The following MAP3K3 variants were observed in gnomAD, a reference collection of about 807,000 sequenced individuals.
MAP3K3 encodes mitogen-activated protein kinase kinase kinase 3.
In MAP3K3, 12 loss-of-function variants were observed where a neutral mutation model predicts 80.9. That is an observed-to-expected ratio of 0.15 (90% CI 0.10 to 0.24). The LOEUF is 0.24. MAP3K3 is among the 10% of genes least tolerant of loss of function. MAP3K3 has a pLI of 1.00. For missense variants in MAP3K3, 596 were observed against 834.7 expected, an observed-to-expected ratio of 0.71 and a Z score of 3.52; for synonymous variants, 272 against 307.1, an observed-to-expected ratio of 0.89 and a Z score of 1.19.
chr17:63,622,702 GC>G lies in MAP3K3; in HGVS notation c.-54del. The G allele has an allele frequency of 1.1e-5, 5 of 444,676 alleles. No homozygotes were observed. Among genetic ancestry groups the G allele is most frequent in the Non-Finnish European group, 1.3e-5 (3 of 227,920 alleles). 27.5% of individuals were successfully genotyped at this position (444,676 alleles called of 1,614,324 possible). A position where few individuals can be genotyped will look rare whatever the true frequency, so the allele number is the denominator to read the frequency against. ...CCGCCGCCCGGGCCCCCGGCATGCA[GC>G]CCCGGCTGCGGAGGTGACACTCACG... On this transcript the variant is annotated 5_prime_UTR_variant, in exon 1 of 16. The change abolishes the stop of an existing upstream ORF in the 5' untranslated region. Transcript: ENST00000361733.
At chr17:63,661,944 A>G (rs1481054031) in intron 5 of MAP3K3, among the ~76,000 whole-genome samples, 2 of 152,028 alleles carry the variant, frequency 1.3e-5, no homozygotes, top group South Asian at 2.1e-4. Flanking sequence ...CTACTAAAAA[A>G]TACAAAAAAT....
chr17:63,687,813 C>G (rs1372669457), intron 8 of MAP3K3, among the ~76,000 whole-genome samples: 1 of 152,024 alleles, frequency 6.6e-6, no homozygotes, highest in Non-Finnish European at 1.5e-5. Flanking sequence ...TGGCGCGTGC[C>G]TGTAGTCCCA....
chr17:63,673,359 G>C (rs946889266), intron 6 of MAP3K3, among the ~76,000 whole-genome samples: 1 of 151,706 alleles, frequency 6.6e-6, no homozygotes, highest in South Asian at 2.1e-4. Context: ...TTTTTTTCAG[G>C]CCATTTAGTC....
At position 63,694,935 on chromosome 17, in the gene MAP3K3, T is replaced by C. The variant is rs1036209694; in HGVS notation, c.*1158T>C. 23 of 153,458 alleles carry C rather than the reference T, an allele frequency of 1.5e-4. No homozygotes were observed. The highest frequency in any genetic ancestry group is 4.6e-4 in the African/African-American group (19 of 41,554). 9.5% of individuals were successfully genotyped at this position (153,458 alleles called of 1,614,324 possible). Reference sequence around the variant, plus strand: ...CCTGGAGGGGGAATGGCAGCAGGGGTTGGGGAAACAGCATCTCCAAGCAGC... The same window carrying C: ...CCTGGAGGGGGAATGGCAGCAGGGGCTGGGGAAACAGCATCTCCAAGCAGC... On this transcript the variant is annotated 3_prime_UTR_variant, in exon 16 of 16. Transcript: ENST00000361733.
chr17:63,642,612 C>T (rs998843502), intron 2 of MAP3K3, among the ~76,000 whole-genome samples: 23 of 152,030 alleles, frequency 1.5e-4, no homozygotes, highest in East Asian at 3.9e-4. Flanking sequence ...GAGCCGAGAT[C>T]GCGCCACTGC....
chr17:63,685,474 T>A (rs746041567), intron 7 of MAP3K3, 43 bp from the exon 8 acceptor site: 30 of 1,515,926 alleles, frequency 2.0e-5, no homozygotes, highest in Non-Finnish European at 2.6e-5. Context: ...CTGGGGGGAA[T>A]TGGGGCTGGG....
chr17:63,685,372 A>T (rs927705967), intron 7 of MAP3K3, 145 bp from the exon 8 acceptor site: 2 of 693,080 alleles, frequency 2.9e-6, no homozygotes, highest in Admixed American at 4.2e-5. Context: ...TACCTTTCTA[A>T]CTATTCTTCC....
chr17:63,660,556 TCTC>T (rs1253036931), intron 5 of MAP3K3, among the ~76,000 whole-genome samples: 9 of 150,280 alleles, frequency 6.0e-5, no homozygotes, highest in Non-Finnish European at 3.0e-5. Context: ...ATCTCTTTCT[TCTC>T]TTTGGATTCT....
intron 4 of MAP3K3, 130 bp from the exon 5 acceptor site, chr17:63,657,664 C>CATAG: frequency 2.0e-6 from 1 of 488,156 alleles, no homozygotes; most frequent in South Asian, 2.6e-5. Context: ...CTTAAGACCC[C>CATAG]ATAGTATCCA....
intron 7 of MAP3K3, 147 bp from the exon 8 acceptor site, chr17:63,685,370 T>TA: frequency 1.5e-6 from 1 of 688,998 alleles, no homozygotes. Flanking sequence ...GGTACCTTTC[T>TA]AACTATTCTT....
chr17:63,669,242 G>C (rs1464476611), intron 6 of MAP3K3, among the ~76,000 whole-genome samples: 2 of 152,174 alleles, frequency 1.3e-5, no homozygotes, highest in Admixed American at 6.5e-5. Context: ...TTCCACAGGG[G>C]ACAAGGGGAG....
chr17:63,660,932 T>A (rs2034878524), intron 5 of MAP3K3, among the ~76,000 whole-genome samples: 1 of 151,346 alleles, frequency 6.6e-6, no homozygotes, highest in Admixed American at 6.6e-5. Context: ...AGCTTCTAAT[T>A]TTCCTTCTGT....
At chr17:63,655,972 G>A (rs56057198) in intron 4 of MAP3K3, among the ~76,000 whole-genome samples, 30,297 of 152,076 alleles carry the variant, frequency 0.2, 3,545 homozygotes, top group Middle Eastern at 0.32. Flanking sequence ...GTTCATGCCT[G>A]TAATGCCAGC....
chr17:63,649,318 TC>T (rs1373369381), intron 3 of MAP3K3, among the ~76,000 whole-genome samples: 1 of 151,542 alleles, frequency 6.6e-6, no homozygotes, highest in Non-Finnish European at 1.5e-5. Flanking sequence ...ACACCTGTAG[TC>T]CCAGCTACTC....
rs2034534743 is a variant in MAP3K3, at chr17:63,646,039, C to T, written c.132C>T (p.Asp44=). 5.0e-6 allele frequency: 8 copies of T among 1,613,738 alleles called. No individual in the cohort carries two copies. Among genetic ancestry groups the T allele is most frequent in the Admixed American group, 1.7e-5 (1 of 59,986 alleles). ...TCTATCATTCTTTTTGGCAGAGTGA[C>T]GTCAGAATCAAGTTCGAGCACAACG... ...KDTGHSNRQS[D]VRIKFEHNGE... Residue 44 remains aspartate, a synonymous_variant, in exon 3 of 16, where the codon GAC becomes GAT. Coordinates refer to ENST00000361733, the MANE Select transcript of MAP3K3 (RefSeq NM_002401.5).
intron 3 of MAP3K3, among the ~76,000 whole-genome samples, chr17:63,647,846 G>T (rs2034570227): frequency 6.6e-6 from 1 of 152,132 alleles, no homozygotes; most frequent in Non-Finnish European, 1.5e-5. Flanking sequence ...CTGGAATATG[G>T]GTAGTATTTA....
intron 6 of MAP3K3, among the ~76,000 whole-genome samples, chr17:63,676,045 A>C (rs2071236199): frequency 6.6e-6 from 1 of 151,990 alleles, no homozygotes; most frequent in Admixed American, 6.6e-5. Context: ...AGTTCTGCCA[A>C]CTCCTGGTTT....
At chr17:63,664,611 A>G (rs190850876) in intron 5 of MAP3K3, among the ~76,000 whole-genome samples, 1 of 152,132 alleles carries the variant, frequency 6.6e-6, no homozygotes, top group African/African-American at 2.4e-5. Context: ...CTTGATGCAC[A>G]TGGTTTCCTG....
chr17:63,626,395 A>G (rs2034103088), intron 1 of MAP3K3, among the ~76,000 whole-genome samples: 1 of 152,210 alleles, frequency 6.6e-6, no homozygotes, highest in South Asian at 2.1e-4. Flanking sequence ...TTTGGTATTG[A>G]CACATGTAAT....
Sources: allele counts gnomAD v4.1 joint callset (sites outside exome capture counted in the v4.1 genomes callset), GRCh38; gene constraint gnomAD v4.1.1; transcripts MANE v1.5; gene names NCBI Gene and HGNC (gene_info 2026-07-23, HGNC 2026-07-21).